HERC4: variants seen among roughly 807,000 people sequenced by gnomAD.
HERC4 encodes HECT and RLD domain containing E3 ubiquitin protein ligase 4.
In HERC4, 28 loss-of-function variants were observed where a neutral mutation model predicts 124.3. The observed-to-expected ratio is 0.23, with a 90% confidence interval of 0.17 to 0.31. HERC4 has a LOEUF of 0.31. Among genes scored for constraint, HERC4 ranks in the 10% least tolerant of loss-of-function variants. The pLI, the probability that HERC4 is intolerant of heterozygous loss-of-function variation, is 1.00. For missense variants in HERC4, 713 were observed against 1,229.3 expected, an observed-to-expected ratio of 0.58 and a Z score of 6.28; for synonymous variants, 407 against 421.5, an observed-to-expected ratio of 0.97 and a Z score of 0.42.
At chr10:67,925,950 T>C (rs1319003107) in intron 23 of HERC4, among the ~76,000 whole-genome samples, 1 of 152,154 alleles carries the variant, frequency 6.6e-6, no homozygotes, top group Non-Finnish European at 1.5e-5. Context: ...TGCAACTTCA[T>C]GAGGGAACCC....
At chr10:68,001,511 C>T (rs1589289099) in intron 9 of HERC4, among the ~76,000 whole-genome samples, 1 of 152,202 alleles carries the variant, frequency 6.6e-6, no homozygotes, top group African/African-American at 2.4e-5. Flanking sequence ...TCACATGTAA[C>T]TAGTTTTTAT....
At position 67,927,453 on chromosome 10, in the gene HERC4, G is replaced by A. The variant is rs577698183; in HGVS notation, c.2839-2266C>T. On this transcript the variant is annotated intron_variant, in intron 23 of 24. Transcript: ENST00000373700. ...ATATTTTTTTTTTTTTTTAGATAGA[G>A]TCTTGCTCTGTCACCAGGCTGGAAT... 1.5e-3 allele frequency among the ~76,000 whole-genome samples: 147 copies of A among 97,018 alleles called. 1 individual carries two copies. The highest frequency in any genetic ancestry group is 2.1e-3 in the Non-Finnish European group (104 of 49,206). 63.6% of individuals were successfully genotyped at this position (97,018 alleles called of 152,430 possible). A position where few individuals can be genotyped will look rare whatever the true frequency, so the allele number is the denominator to read the frequency against.
At chr10:68,050,884 T>A (rs1178266375) in intron 3 of HERC4, among the ~76,000 whole-genome samples, 5 of 151,916 alleles carry the variant, frequency 3.3e-5, no homozygotes, top group Admixed American at 1.3e-4. Flanking sequence ...AACAAAAAAA[T>A]TCACTTACAA....
rs1206987066 is a variant in HERC4, at chr10:68,059,582, A to AT, written c.226+13300dup. Among the ~76,000 whole-genome samples the AT allele has an allele frequency of 5.7e-5, 6 of 104,564 alleles. 1 individual carries two copies. The highest frequency in any genetic ancestry group is 2.5e-4 in the African/African-American group (6 of 23,984). The allele number at this position is 104,564 out of a possible 152,430, so 68.6% of individuals were successfully genotyped here. ...ATATCATAATATTATATATCATATTATATATCATATTATATATCATAATAT... is the reference window on the plus strand; with the variant it reads ...ATATCATAATATTATATATCATATTATTATATCATATTATATATCATAATAT... On this transcript the variant is annotated intron_variant, in intron 3 of 24. Transcript: ENST00000373700.
chr10:68,071,618 G>A (rs1245361994), intron 3 of HERC4, among the ~76,000 whole-genome samples: 2 of 152,070 alleles, frequency 1.3e-5, no homozygotes, highest in Admixed American at 6.6e-5. Context: ...CATCAAATGC[G>A]TATCAGTAAA....
intron 3 of HERC4, among the ~76,000 whole-genome samples, chr10:68,062,933 C>T (rs1290739250): frequency 6.6e-6 from 1 of 152,068 alleles, no homozygotes; most frequent in Non-Finnish European, 1.5e-5. Flanking sequence ...TTTATTTCTA[C>T]AATCTGACCT....
chr10:67,984,424 T>C (rs2036136766), intron 15 of HERC4, among the ~76,000 whole-genome samples: 1 of 152,118 alleles, frequency 6.6e-6, no homozygotes. Context: ...TCTCACTTAT[T>C]TGTAGGATCT....
chr10:68,061,770 A>G (rs1475015849), intron 3 of HERC4, among the ~76,000 whole-genome samples: 2 of 149,542 alleles, frequency 1.3e-5, no homozygotes, highest in Admixed American at 6.7e-5. Context: ...AATCCCAGCT[A>G]CTTGAAAGGC....
At chr10:68,016,882 G>A (rs1270113001) in intron 8 of HERC4, among the ~76,000 whole-genome samples, 1 of 152,042 alleles carries the variant, frequency 6.6e-6, no homozygotes, top group Non-Finnish European at 1.5e-5. Context: ...TTCAAATCAT[G>A]TACATTTTGG....
chr10:68,060,300 C>T (rs1010405440), intron 3 of HERC4, among the ~76,000 whole-genome samples: 3 of 152,034 alleles, frequency 2.0e-5, no homozygotes, highest in African/African-American at 7.2e-5. Flanking sequence ...AACAGTGGCA[C>T]GATCTCAATT....
chr10:68,051,341 ATTT>A (rs34027809), intron 3 of HERC4, among the ~76,000 whole-genome samples: 1 of 129,982 alleles, frequency 7.7e-6, no homozygotes, highest in Non-Finnish European at 1.7e-5. Context: ...TGTTAACACT[ATTT>A]TTTTTTTTTT....
intron 3 of HERC4, among the ~76,000 whole-genome samples, chr10:68,064,601 AG>A (rs2041208093): frequency 6.6e-6 from 1 of 151,448 alleles, no homozygotes; most frequent in Non-Finnish European, 1.5e-5. Context: ...AAAAAGAAAA[AG>A]AAAAAAAGAC....
At position 67,961,827 on chromosome 10, in the gene HERC4, C is replaced by T. The variant is rs370582591; in HGVS notation, c.1927-4851G>A. Reference sequence around the variant, plus strand: ...TAAGCAAAACATCACTCTATGCAAACCCTATTCAGAGGAAGAATATTATTG... The same window carrying T: ...TAAGCAAAACATCACTCTATGCAAATCCTATTCAGAGGAAGAATATTATTG... On this transcript the variant is annotated intron_variant, in intron 16 of 24. Transcript: ENST00000373700. Among the ~76,000 whole-genome samples, 5 of 152,210 alleles carry T rather than the reference C, an allele frequency of 3.3e-5. No individual in the cohort carries two copies. In the South Asian group the frequency reaches 1.0e-3, roughly 32 times the overall value.
chr10:67,956,739 C>T (rs1054607999), intron 17 of HERC4, 139 bp downstream of exon 17: 1 of 461,766 alleles, frequency 2.2e-6, no homozygotes, highest in African/African-American at 2.0e-5. Flanking sequence ...ATACATATCA[C>T]ATGCAGCAGT....
intron 20 of HERC4, among the ~76,000 whole-genome samples, chr10:67,940,072 C>T (rs1298811023): frequency 1.3e-5 from 2 of 151,812 alleles, no homozygotes; most frequent in African/African-American, 2.4e-5. Context: ...GGATTACAGG[C>T]GACCGCCACC....
Position 68,009,918 on chromosome 10 carries a change from G to A in HERC4, c.1069+4108C>T, listed in dbSNP as rs569509400. ...CTTTGCTCATCCATAAAATATAAAT[G>A]GATGAGGAGTATTTTTCTTTTTTTT... On this transcript the variant is annotated intron_variant, in intron 9 of 24. Coordinates refer to ENST00000373700, the MANE Select transcript of HERC4 (RefSeq NM_015601.4). 1.9e-4 allele frequency among the ~76,000 whole-genome samples: 29 copies of A among 152,212 alleles called. No homozygotes were observed. The South Asian group carries it at 5.8e-3, about 30-fold the overall frequency.
chr10:67,959,200 C>G, intron 16 of HERC4: 1 of 1,421,554 alleles, frequency 7.0e-7, no homozygotes, highest in South Asian at 1.3e-5. Context: ...CCAAATTTAA[C>G]TATTTCTATT....
At chr10:68,049,604 A>AAAAC (rs1554827748) in intron 3 of HERC4, among the ~76,000 whole-genome samples, 11 of 150,984 alleles carry the variant, frequency 7.3e-5, no homozygotes, top group African/African-American at 2.4e-4. Context: ...AAAAAAAAAA[A>AAAAC]AAAAAAAAAC....
intron 22 of HERC4, among the ~76,000 whole-genome samples, chr10:67,935,147 AT>A (rs375653222): frequency 0.012 from 1,595 of 132,960 alleles, 20 homozygotes; most frequent in African/African-American, 0.036. Flanking sequence ...ATCGATTTAC[AT>A]TTTTTTTTTT....
Sources: allele counts gnomAD v4.1 joint callset (sites outside exome capture counted in the v4.1 genomes callset), GRCh38; gene constraint gnomAD v4.1.1; transcripts MANE v1.5; gene names NCBI Gene and HGNC (gene_info 2026-07-23, HGNC 2026-07-21).